The following POLE2 variants were observed in gnomAD, a reference collection of about 807,000 sequenced individuals.
POLE2 encodes the protein DNA polymerase epsilon subunit 2.
Under a neutral mutation model 79.4 loss-of-function variants are expected in POLE2, and 56 were observed. The ratio of observed to expected loss-of-function variants is 0.71; its 90% CI spans 0.57 to 0.88. POLE2 has a LOEUF of 0.88. Among genes scored for constraint, POLE2 ranks in the 40% least tolerant of loss-of-function variants. The pLI, the probability that POLE2 is intolerant of heterozygous loss-of-function variation, is 0.00. For synonymous variants in POLE2, 212 were observed against 214.0 expected (o/e 0.99, Z 0.08); for missense variants, 598 against 638.9 (o/e 0.94, Z 0.69).
At chr14:49,666,489 T>C (rs1329629428) in intron 6 of POLE2, 76 bp from the exon 7 acceptor site, 8 of 558,228 alleles carry the variant, frequency 1.4e-5, no homozygotes, top group African/African-American at 2.0e-5. Context: ...TAAATAACTA[T>C]ATTTGGGGTA....
At chr14:49,672,468 C>T (rs1288617382) in intron 5 of POLE2, among the ~76,000 whole-genome samples, 3 of 151,332 alleles carry the variant, frequency 2.0e-5, no homozygotes, top group African/African-American at 7.3e-5. Context: ...TAACACCATC[C>T]TCACCTGGCC....
In POLE2 at chr14:49,643,656, A is replaced by G; in HGVS notation, c.1580T>C (p.Phe527Ser). 1 of 1,413,264 alleles carries G rather than the reference A, an allele frequency of 7.1e-7. No individual in the cohort carries two copies. The highest frequency in any genetic ancestry group is 9.8e-7 in the Non-Finnish European group (1 of 1,016,064). 87.5% of individuals were successfully genotyped at this position (1,413,264 alleles called of 1,614,324 possible). A position where few individuals can be genotyped will look rare whatever the true frequency, so the allele number is the denominator to read the frequency against. The change falls in exon 19 of 19, where the codon TTT becomes TCT. Residue 527 changes from phenylalanine (F) to serine (S), a missense_variant. Transcript: ENST00000216367. ...KTVEDSKLQGF is the reference protein window; with the variant it reads ...KTVEDSKLQGS Reference sequence around the variant, plus strand: ...TTCAGATGATCTTTAAGAATCTCAAAAGCCTTGAAGTTTGCTGAAAATAGA... The same window carrying G: ...TTCAGATGATCTTTAAGAATCTCAAGAGCCTTGAAGTTTGCTGAAAATAGA...
intron 17 of POLE2, among the ~76,000 whole-genome samples, 181 bp from the exon 18 acceptor site, chr14:49,647,541 T>C (rs12896605): frequency 0.18 from 28,071 of 151,944 alleles, 2,906 homozygotes; most frequent in Admixed American, 0.29. Context: ...GCAACCTCCA[T>C]TTCCGGGATT....
chr14:49,649,631 A>T (rs2139607149), intron 17 of POLE2, among the ~76,000 whole-genome samples: 1 of 151,528 alleles, frequency 6.6e-6, no homozygotes, highest in East Asian at 1.9e-4. Context: ...TGTAATTTTT[A>T]GTAGAGACGG....
At chr14:49,664,361 A>G (rs1455519560) in intron 9 of POLE2, among the ~76,000 whole-genome samples, 2 of 127,282 alleles carry the variant, frequency 1.6e-5, no homozygotes, top group Non-Finnish European at 3.1e-5. Flanking sequence ...AAAAAAAAAG[A>G]AAAAAAAAAA....
chr14:49,654,300 C>A, intron 13 of POLE2, 86 bp from the exon 14 acceptor site: 2 of 894,508 alleles, frequency 2.2e-6, no homozygotes, highest in South Asian at 3.2e-5. Flanking sequence ...CCTTTGTTTT[C>A]TCTTTAAAAT....
intron 10 of POLE2, among the ~76,000 whole-genome samples, chr14:49,659,247 C>A (rs985250559): frequency 1.3e-5 from 2 of 149,702 alleles, no homozygotes; most frequent in African/African-American, 2.5e-5. Flanking sequence ...TGAAGACCCC[C>A]ACCAATCCCT....
At position 49,655,853 on chromosome 14, in the gene POLE2, TATAAC is replaced by T. The variant is rs750989494; in HGVS notation, c.756-15_756-11del. 1.4e-5 allele frequency: 19 copies of T among 1,336,182 alleles called. No individual in the cohort carries two copies. The highest frequency in any genetic ancestry group is 4.4e-5 in the African/African-American group (3 of 67,970). The allele number at this position is 1,336,182 out of a possible 1,614,324, so 82.8% of individuals were successfully genotyped here. Reference sequence around the variant, plus strand: ...ATTTCCATAGTATGCCCTAGATAATTATAACATAATTATCTTCTATATACCACTAG... The same window carrying T: ...ATTTCCATAGTATGCCCTAGATAATTATAATTATCTTCTATATACCACTAG... On this transcript the variant is annotated splice_polypyrimidine_tract_variant and intron_variant, in intron 10 of 18. Transcript: ENST00000216367.
rs191154705 is a variant in POLE2, at chr14:49,674,017, A to G, written c.417+106T>C. The G allele has an allele frequency of 1.7e-4, 126 of 757,250 alleles. No individual in the cohort carries two copies. The African/African-American group carries it at 2.1e-3, about 13-fold the overall frequency. The allele number at this position is 757,250 out of a possible 1,614,324, so 46.9% of individuals were successfully genotyped here. A position where few individuals can be genotyped will look rare whatever the true frequency, so the allele number is the denominator to read the frequency against. ...TTTATTGAATGACCAACTTTGGACC[A>G]CAAAATTCCATTCTTTAAATATCCC... On this transcript the variant is annotated intron_variant, in intron 5 of 18. Transcript: ENST00000216367.
chr14:49,657,945 T>C (rs1433995104), intron 10 of POLE2, among the ~76,000 whole-genome samples: 2 of 152,200 alleles, frequency 1.3e-5, no homozygotes, highest in East Asian at 3.8e-4. Context: ...AAGTGACTTA[T>C]CTGAGGTTGC....
intron 18 of POLE2, 179 bp downstream of exon 18, chr14:49,647,114 A>G (rs6572596): frequency 0.23 from 106,749 of 457,350 alleles, 15,114 homozygotes; most frequent in African/African-American, 0.46. Flanking sequence ...CAAACGTACC[A>G]TCATGTACCC....
chr14:49,655,391 T>TG (rs1037436800), intron 11 of POLE2, among the ~76,000 whole-genome samples: 1 of 151,650 alleles, frequency 6.6e-6, no homozygotes, highest in African/African-American at 2.4e-5. Context: ...TGTTTAGAGA[T>TG]GGGGTCTCAC....
At chr14:49,660,141 G>C (rs1884996243) in intron 10 of POLE2, among the ~76,000 whole-genome samples, 1 of 152,124 alleles carries the variant, frequency 6.6e-6, no homozygotes, top group Non-Finnish European at 1.5e-5. Context: ...TATCTAGAGA[G>C]ACAAATACTT....
intron 17 of POLE2, among the ~76,000 whole-genome samples, chr14:49,649,357 A>G (rs1884027579): frequency 1.3e-5 from 2 of 151,230 alleles, no homozygotes; most frequent in African/African-American, 2.4e-5. Flanking sequence ...CATGTTAGCC[A>G]GGATGGTCTC....
chr14:49,684,162 T>C (rs1243858502), intron 1 of POLE2, among the ~76,000 whole-genome samples: 1 of 151,796 alleles, frequency 6.6e-6, no homozygotes, highest in Non-Finnish European at 1.5e-5. Context: ...AATTGTAAAA[T>C]AAGAAAAAAA....
At chr14:49,678,420 A>G (rs1202992759) in intron 3 of POLE2, among the ~76,000 whole-genome samples, 1 of 152,142 alleles carries the variant, frequency 6.6e-6, no homozygotes, top group African/African-American at 2.4e-5. Context: ...GGCTCTGTGC[A>G]GGACTGTTGA....
At chr14:49,659,539 G>C (rs966287302) in intron 10 of POLE2, among the ~76,000 whole-genome samples, 1 of 152,006 alleles carries the variant, frequency 6.6e-6, no homozygotes, top group African/African-American at 2.4e-5. Flanking sequence ...ATTTTTTAAA[G>C]GTTATAAAGA....
chr14:49,675,270 G>A (rs1426144690), intron 3 of POLE2, among the ~76,000 whole-genome samples: 1 of 151,562 alleles, frequency 6.6e-6, no homozygotes, highest in Non-Finnish European at 1.5e-5. Flanking sequence ...TTTTAACAAA[G>A]ACGGGGTTTC....
intron 10 of POLE2, among the ~76,000 whole-genome samples, chr14:49,656,231 T>C (rs1242662556): frequency 3.3e-5 from 5 of 151,734 alleles, no homozygotes; most frequent in African/African-American, 1.2e-4. Flanking sequence ...GGCGGGCGCC[T>C]GTAGTCCCAG....
Sources: allele counts gnomAD v4.1 joint callset (sites outside exome capture counted in the v4.1 genomes callset), GRCh38; gene constraint gnomAD v4.1.1; transcripts MANE v1.5; gene names NCBI Gene and HGNC (gene_info 2026-07-23, HGNC 2026-07-21).